The following PKP1 variants were observed in gnomAD, a reference collection of about 807,000 sequenced individuals.
PKP1 encodes the protein plakophilin 1.
PKP1 carries 27 observed loss-of-function variants against 76.4 expected under a neutral mutation model. The ratio of observed to expected loss-of-function variants is 0.35; its 90% CI spans 0.26 to 0.49. The LOEUF (loss-of-function observed/expected upper bound fraction) is 0.49. Ranked by LOEUF, PKP1 falls within the 20% of genes least tolerant of loss-of-function variation. The pLI, the probability that PKP1 is intolerant of heterozygous loss-of-function variation, is 0.99. For synonymous variants in PKP1, 404 were observed against 384.2 expected, an observed-to-expected ratio of 1.05 and a Z score of -0.60; for missense variants, 964 against 955.2, an observed-to-expected ratio of 1.01 and a Z score of -0.12.
chr1:201,307,108 T>A (rs1309440086), intron 2 of PKP1, among the ~76,000 whole-genome samples: 2 of 151,744 alleles, frequency 1.3e-5, no homozygotes, highest in Non-Finnish European at 2.9e-5. Context: ...AAGTACCTTC[T>A]GGAGTTCTCA....
At chr1:201,309,064 A>T (rs1280565333) in intron 2 of PKP1, among the ~76,000 whole-genome samples, 1 of 152,016 alleles carries the variant, frequency 6.6e-6, no homozygotes, top group Non-Finnish European at 1.5e-5. Flanking sequence ...GAGCTTTTCC[A>T]GCTTTGGGGG....
chr1:201,320,175 C>T (rs1571560001), intron 6 of PKP1, 92 bp from the exon 7 acceptor site: 1 of 815,292 alleles, frequency 1.2e-6, no homozygotes, highest in East Asian at 2.6e-5. Flanking sequence ...GTTCTCTCTC[C>T]TGCCTGTCCC....
chr1:201,299,999 G>T (rs1194138783), intron 2 of PKP1, among the ~76,000 whole-genome samples: 1 of 152,230 alleles, frequency 6.6e-6, no homozygotes, highest in African/African-American at 2.4e-5. Flanking sequence ...CATGGATCCT[G>T]CTCCAAGAGG....
intron 8 of PKP1, 95 bp from the exon 9 acceptor site, chr1:201,322,918 C>T (rs956961286): frequency 1.9e-5 from 26 of 1,362,142 alleles, no homozygotes; most frequent in African/African-American, 4.3e-5. Flanking sequence ...TCTGGAACCA[C>T]GACCCTGAGG....
intron 2 of PKP1, among the ~76,000 whole-genome samples, chr1:201,298,460 G>A (rs769077761): frequency 1.3e-5 from 2 of 152,170 alleles, no homozygotes; most frequent in Non-Finnish European, 2.9e-5. Context: ...AGTGCACCCT[G>A]AGCACTTCTT....
chr1:201,317,298 G>T (rs929594228), intron 4 of PKP1, among the ~76,000 whole-genome samples: 1 of 152,158 alleles, frequency 6.6e-6, no homozygotes, highest in Non-Finnish European at 1.5e-5. Flanking sequence ...GAGGAAGAAA[G>T]CAGGACTCAG....
At chr1:201,314,393 G>T (rs1321525860) in intron 3 of PKP1, among the ~76,000 whole-genome samples, 2 of 152,086 alleles carry the variant, frequency 1.3e-5, no homozygotes, top group African/African-American at 4.8e-5. Flanking sequence ...GCCCGGGAGG[G>T]GGAGGTTGCA....
In PKP1 at chr1:201,320,291, C is replaced by T; in HGVS notation, c.1257C>T (p.Gly419=). 1 of 1,613,796 alleles carries T rather than the reference C, an allele frequency of 6.2e-7. No homozygotes were observed. Among genetic ancestry groups the T allele is most frequent in the Non-Finnish European group, 8.5e-7 (1 of 1,179,708 alleles). The change falls in exon 7 of 14, where the codon GGC becomes GGT. Residue 419 remains glycine, a synonymous_variant. Transcript: ENST00000367324. ...GGAACCTGAGCTCGGCCGATGCAGG[C>T]CGCCAGACCATGCGTAACTACTCAG... ...CLRNLSSADA[G]RQTMRNYSGL... is the part of the protein sequence containing the mutation.
chr1:201,306,912 C>G (rs186041981), intron 2 of PKP1, among the ~76,000 whole-genome samples: 1 of 152,126 alleles, frequency 6.6e-6, no homozygotes, highest in East Asian at 1.9e-4. Flanking sequence ...CCTCGTGATC[C>G]GCCCGCCTCG....
intron 1 of PKP1, among the ~76,000 whole-genome samples, chr1:201,287,553 C>T (rs539561986): frequency 1.1e-4 from 17 of 152,282 alleles, no homozygotes; most frequent in African/African-American, 3.1e-4. Context: ...GTTCCATTGG[C>T]GAAACATACC....
Position 201,283,678 on chromosome 1 carries a change from C to A in PKP1, c.-25C>A. 1.2e-6 allele frequency: 2 copies of A among 1,607,008 alleles called. No homozygotes were observed. Among genetic ancestry groups the A allele is most frequent in the Non-Finnish European group, 1.7e-6 (2 of 1,175,942 alleles). ...CCTCTCTGCTCTCCTAGGCCCCGGCCGCGCGCCACCCGCCTCCCGCCACCA... is the reference window on the plus strand; with the variant it reads ...CCTCTCTGCTCTCCTAGGCCCCGGCAGCGCGCCACCCGCCTCCCGCCACCA... On this transcript the variant is annotated 5_prime_UTR_variant, in exon 1 of 14. Transcript: ENST00000367324.
intron 6 of PKP1, among the ~76,000 whole-genome samples, chr1:201,319,159 C>T (rs966837078): frequency 1.6e-4 from 25 of 152,142 alleles, no homozygotes; most frequent in African/African-American, 4.6e-4. Context: ...AAAAGTCTAC[C>T]GATGGGTTGC....
intron 13 of PKP1, among the ~76,000 whole-genome samples, 179 bp downstream of exon 13, chr1:201,329,047 C>T (rs1264784557): frequency 1.3e-5 from 2 of 152,166 alleles, no homozygotes; most frequent in African/African-American, 2.4e-5. Flanking sequence ...GTCCCACCCT[C>T]AGGACGTTAG....
chr1:201,311,959 A>G (rs953492839), intron 2 of PKP1, among the ~76,000 whole-genome samples: 2 of 152,218 alleles, frequency 1.3e-5, no homozygotes, highest in Admixed American at 6.5e-5. Context: ...CCTCCCAAGG[A>G]GGCCGACTCC....
chr1:201,295,482 G>A lies in PKP1; in HGVS notation c.306+1437G>A, dbSNP rs1198014868. On this transcript the variant is annotated intron_variant, in intron 2 of 13. Coordinates refer to ENST00000367324, the MANE Select transcript of PKP1 (RefSeq NM_001005337.3). Reference sequence around the variant, plus strand: ...GAATAAAAGGGCTTTTACACAAAGGGTGATGACCAAATTGAGAAAATGGCT... The same window carrying A: ...GAATAAAAGGGCTTTTACACAAAGGATGATGACCAAATTGAGAAAATGGCT... 2.6e-5 allele frequency among the ~76,000 whole-genome samples: 4 copies of A among 152,218 alleles called. No homozygotes were observed. The East Asian group carries it at 7.7e-4, about 29-fold the overall frequency.
intron 2 of PKP1, among the ~76,000 whole-genome samples, chr1:201,309,123 T>G (rs925954510): frequency 6.6e-6 from 1 of 151,952 alleles, no homozygotes; most frequent in Non-Finnish European, 1.5e-5. Context: ...TCATATTCAG[T>G]TCTTTGAGGC....
In PKP1 at chr1:201,328,804, A is replaced by C. The variant is rs1657226759; in HGVS notation, c.2149A>C (p.Asn717His). Residue 717 changes from asparagine to histidine, a missense_variant, in exon 13 of 14, where the codon AAC (asparagine) becomes CAC (histidine). Physicochemically the swap from Asn to His is moderately conservative, Grantham distance 68. Coordinates refer to ENST00000367324, the MANE Select transcript of PKP1 (RefSeq NM_001005337.3). ...CATGCTGGGAACCTTAGCTGGGGCC[A>C]ACAGCCTCAGGAACTTCACCTCCCG... is the stretch of plus-strand genomic sequence containing the variant. Reference protein sequence around the residue: ...RNMLGTLAGANSLRNFTSRF With the variant: ...RNMLGTLAGAHSLRNFTSRF The C allele has an allele frequency of 6.2e-7, 1 of 1,614,084 alleles. No individual in the cohort carries two copies. The highest frequency in any genetic ancestry group is 8.5e-7 in the Non-Finnish European group (1 of 1,180,024).
In PKP1 at chr1:201,331,926, C is replaced by G. The variant is rs1389932596; in HGVS notation, c.*1885C>G. On this transcript the variant is annotated 3_prime_UTR_variant, in exon 14 of 14. Transcript: ENST00000367324. The stretch of plus-strand genomic sequence containing the variant: ...CTGTCCTGGGCATAGGTTTCAGGGG[C>G]CTCCTTTGTTGTCATCAGAACCCAG... 1 of 152,338 alleles carries G rather than the reference C, an allele frequency of 6.6e-6. No homozygotes were observed. Among genetic ancestry groups the G allele is most frequent in the African/African-American group, 2.4e-5 (1 of 41,462 alleles). 9.4% of individuals were successfully genotyped at this position (152,338 alleles called of 1,614,324 possible).
At chr1:201,314,968 A>C (rs1214199701) in intron 3 of PKP1, among the ~76,000 whole-genome samples, 1 of 152,254 alleles carries the variant, frequency 6.6e-6, no homozygotes, top group Non-Finnish European at 1.5e-5. Context: ...AGTTTGTCCA[A>C]GGCCACACAG....
Sources: gnomAD v4.1 joint callset for allele counts (sites outside exome capture counted in the v4.1 genomes callset) on GRCh38, gnomAD v4.1.1 for gene constraint, MANE v1.5 for transcripts, NCBI Gene and HGNC (gene_info 2026-07-23, HGNC 2026-07-21) for gene names.